Variants in PSKH1 observed in about 807,000 individuals in gnomAD.
The protein encoded by PSKH1 is protein serine kinase H1, also known as serine/threonine-protein kinase H1.
A neutral mutation model predicts 26.7 loss-of-function variants in PSKH1; 12 were observed. The observed-to-expected ratio is 0.45, with a 90% CI of 0.29 to 0.73. The LOEUF (loss-of-function observed/expected upper bound fraction) is 0.73, where lower values mean the gene tolerates loss of function less well. PSKH1 is among the 30% of genes least tolerant of loss of function. The pLI is 0.11. For synonymous variants in PSKH1, 213 were observed against 234.3 expected (o/e 0.91, Z 0.83); for missense variants, 431 against 595.2 (o/e 0.72, Z 2.87).
chr16:67,904,657 A>G (rs1270672735), intron 1 of PSKH1, among the ~76,000 whole-genome samples: 1 of 150,464 alleles, frequency 6.6e-6, no homozygotes, highest in South Asian at 2.1e-4. Context: ...CTAATTTTTT[A>G]ATCTTGTAGG....
intron 1 of PSKH1, among the ~76,000 whole-genome samples, chr16:67,899,375 G>A (rs1409907587): frequency 6.8e-6 from 1 of 146,400 alleles, no homozygotes; most frequent in East Asian, 2.0e-4. Flanking sequence ...TCGCTCTATG[G>A]CCCAGGCTGG....
chr16:67,924,401 G>A (rs1475956887), intron 2 of PSKH1, among the ~76,000 whole-genome samples: 2 of 152,240 alleles, frequency 1.3e-5, no homozygotes, highest in Non-Finnish European at 2.9e-5. Context: ...AGCAGCAGGG[G>A]TTGATGCCTG....
chr16:67,927,734 A>G lies in PSKH1; in HGVS notation c.*92A>G, dbSNP rs534395326. 4 of 1,379,066 alleles carry G rather than the reference A, an allele frequency of 2.9e-6. No homozygotes were observed. The highest frequency in any genetic ancestry group is 1.4e-5 in the African/African-American group (1 of 69,716). 85.4% of individuals were successfully genotyped at this position (1,379,066 alleles called of 1,614,324 possible). A position where few individuals can be genotyped will look rare whatever the true frequency, so the allele number is the denominator to read the frequency against. ...CGATGCCCTCTCTGGAGATAGGCCT[A>G]TGTGGCCCACAGTAGGTGAAGAATG... On this transcript the variant is annotated 3_prime_UTR_variant, in exon 3 of 3. Transcript: ENST00000291041. The surrounding 1 kb of genome is among the most constrained non-coding windows in gnomAD (Gnocchi z 5.5).
chr16:67,907,165 G>C (rs1440289629), intron 1 of PSKH1, among the ~76,000 whole-genome samples: 1 of 151,136 alleles, frequency 6.6e-6, no homozygotes, highest in East Asian at 2.0e-4. Context: ...GGGTTTCACT[G>C]TGTTAGCCAG....
intron 2 of PSKH1, among the ~76,000 whole-genome samples, chr16:67,917,169 G>T (rs1436701880): frequency 1.3e-5 from 2 of 152,234 alleles, no homozygotes; most frequent in Non-Finnish European, 2.9e-5. Context: ...AACCCTGCCA[G>T]GTGGTACGTA....
In PSKH1 at chr16:67,909,101, C is replaced by T. The variant is rs55913417; in HGVS notation, c.352C>T (p.Arg118Trp). ...SFSRVVRVEHRATRQPYAIKM... is the reference protein window; with the variant it reads ...SFSRVVRVEHWATRQPYAIKM... ...CAGCCGAGTGGTACGTGTAGAGCAC[C>T]GGGCAACCCGGCAGCCGTATGCCAT... Residue 118 changes from arginine to tryptophan, a missense_variant, in exon 2 of 3, where the codon CGG (arginine) becomes TGG (tryptophan). Physicochemically the swap from Arg to Trp is moderately radical, Grantham distance 101 (BLOSUM62 -3). Transcript: ENST00000291041. The surrounding 1 kb of genome is among the most constrained non-coding windows in gnomAD (Gnocchi z 7.8). 4 of 1,613,614 alleles carry T rather than the reference C, an allele frequency of 2.5e-6. No homozygotes were observed. The highest frequency in any genetic ancestry group is 2.5e-6 in the Non-Finnish European group (3 of 1,179,828).
intron 1 of PSKH1, among the ~76,000 whole-genome samples, chr16:67,895,017 A>G (rs2058122245): frequency 1.5e-5 from 2 of 137,170 alleles, no homozygotes; most frequent in Admixed American, 8.3e-5. Flanking sequence ...TCTACCCCCC[A>G]GGTTCAAGTG....
At chr16:67,919,537 G>A (rs192629234) in intron 2 of PSKH1, among the ~76,000 whole-genome samples, 5 of 152,348 alleles carry the variant, frequency 3.3e-5, no homozygotes, top group Admixed American at 3.3e-4. Context: ...GGCCAGGAAG[G>A]TTCCCTTGGG....
chr16:67,916,638 G>A (rs1031307304), intron 2 of PSKH1, among the ~76,000 whole-genome samples: 1 of 152,146 alleles, frequency 6.6e-6, no homozygotes, highest in Non-Finnish European at 1.5e-5. Context: ...GAGGAAGGCA[G>A]CAGAAAGTGG....
At chr16:67,913,255 T>C (rs113563886) in intron 2 of PSKH1, among the ~76,000 whole-genome samples, 23,356 of 149,516 alleles carry the variant, frequency 0.16, 1,993 homozygotes, top group South Asian at 0.23. Context: ...CAAGTGATTC[T>C]CCCGCCTCAG....
chr16:67,925,099 C>T (rs1054489891), intron 2 of PSKH1, among the ~76,000 whole-genome samples: 27 of 152,188 alleles, frequency 1.8e-4, no homozygotes, highest in African/African-American at 6.3e-4. Flanking sequence ...GCCACTGCTC[C>T]TGGCTTTTGG....
rs1345573875 is a variant in PSKH1 at position 67,909,054 on chromosome 16, C to T, written c.305C>T (p.Ala102Val). ...PRVTAKYDIK[A>V]LIGRGSFSRV... ...GTTACAGCTAAGTATGACATCAAGGCCCTAATTGGCCGAGGCAGCTTCAGC... is the reference window on the plus strand; with the variant it reads ...GTTACAGCTAAGTATGACATCAAGGTCCTAATTGGCCGAGGCAGCTTCAGC... The change falls in exon 2 of 3, where the codon GCC becomes GTC. Residue 102 changes from alanine (A) to valine (V), a missense_variant. Coordinates refer to ENST00000291041, the MANE Select transcript of PSKH1 (RefSeq NM_006742.3). This position sits in a 1 kb window ranked among gnomAD's most constrained non-coding sequence, Gnocchi z 7.8. The T allele has an allele frequency of 6.2e-7, 1 of 1,614,180 alleles. No homozygotes were observed. The highest frequency in any genetic ancestry group is 2.2e-5 in the East Asian group (1 of 44,880).
chr16:67,923,738 T>C (rs550220100), intron 2 of PSKH1, among the ~76,000 whole-genome samples: 3 of 152,336 alleles, frequency 2.0e-5, no homozygotes, highest in South Asian at 4.1e-4. Flanking sequence ...CAAATAAGTA[T>C]ACTGAGGCAC....
In PSKH1 at chr16:67,927,583, GTGCGGGAACGGGAGC is replaced by G; in HGVS notation, c.1224_1238del (p.Arg409_Glu413del). The G allele has an allele frequency of 6.2e-7, 1 of 1,613,172 alleles. No individual in the cohort carries two copies. Among genetic ancestry groups the G allele is most frequent in the Non-Finnish European group, 8.5e-7 (1 of 1,179,946 alleles). On this transcript the variant is annotated inframe_deletion, in exon 3 of 3. Coordinates refer to ENST00000291041, the MANE Select transcript of PSKH1 (RefSeq NM_006742.3). The surrounding 1 kb of genome is among the most constrained non-coding windows in gnomAD (Gnocchi z 5.5). ...CACACGCTCCAATAAGTCACGCCGT[GTGCGGGAACGGGAGC>G]TGCGGGAGCTCAACCTGCGCTACCA...
intron 2 of PSKH1, among the ~76,000 whole-genome samples, chr16:67,925,652 G>T (rs936242991): frequency 2.0e-5 from 3 of 152,076 alleles, no homozygotes; most frequent in Non-Finnish European, 4.4e-5. Context: ...CCTCCTGGGG[G>T]CCAGCATCTC....
At position 67,928,648 on chromosome 16, in the gene PSKH1, C is replaced by G. The variant is rs114180578; in HGVS notation, c.*1006C>G. 5.7e-3 allele frequency: 865 copies of G among 152,716 alleles called. 5 individuals carry two copies. Among genetic ancestry groups the G allele is most frequent in the African/African-American group, 0.019 (809 of 41,558 alleles). The allele number at this position is 152,716 out of a possible 1,614,324, so 9.5% of individuals were successfully genotyped here. On this transcript the variant is annotated 3_prime_UTR_variant, in exon 3 of 3. Coordinates refer to ENST00000291041, the MANE Select transcript of PSKH1 (RefSeq NM_006742.3). The surrounding 1 kb of genome is among the most constrained non-coding windows in gnomAD (Gnocchi z 4.8). ...TGTTGCTCCCTCCTCTGCAGCTGCA[C>G]GAAGGCGCCATCTGGTGTCTGCATG...
At chr16:67,908,568 C>T in intron 1 of PSKH1, 112 bp from the exon 2 acceptor site, 1 of 559,186 alleles carries the variant, frequency 1.8e-6, no homozygotes, top group South Asian at 2.8e-5. Flanking sequence ...CACGCCTGGC[C>T]AGGAGTTTGG....
intron 2 of PSKH1, among the ~76,000 whole-genome samples, chr16:67,922,427 G>T (rs1442190432): frequency 6.6e-6 from 1 of 152,160 alleles, no homozygotes; most frequent in Admixed American, 6.5e-5. Flanking sequence ...CTGAGTCATG[G>T]TAGCAAAGCC....
At chr16:67,915,572 A>AT (rs2058185667) in intron 2 of PSKH1, among the ~76,000 whole-genome samples, 1 of 152,112 alleles carries the variant, frequency 6.6e-6, no homozygotes, top group Admixed American at 6.5e-5. Context: ...GTGCATAAAC[A>AT]TCAGGAGTCT....
Sources: gnomAD v4.1 joint callset for allele counts (sites outside exome capture counted in the v4.1 genomes callset) on GRCh38, gnomAD v4.1.1 for gene constraint, Gnocchi (gnomAD v3.1) non-coding constraint, MANE v1.5 for transcripts, NCBI Gene and HGNC (gene_info 2026-07-23, HGNC 2026-07-21) for gene names.